Variants in ATRNL1 observed in about 807,000 individuals in gnomAD.
ATRNL1 encodes attractin-like protein 1.
Under a neutral mutation model 182.7 loss-of-function variants are expected in ATRNL1, and 95 were observed. That is an observed-to-expected ratio of 0.52 (90% CI 0.44 to 0.62). ATRNL1 has a LOEUF of 0.62. Ranked by LOEUF, ATRNL1 falls within the 20% of genes least tolerant of loss-of-function variation. ATRNL1 has a pLI of 0.00. For missense variants in ATRNL1, 1,471 were observed against 1,679.5 expected, an observed-to-expected ratio of 0.88 and a Z score of 2.17; for synonymous variants, 576 against 568.3, an observed-to-expected ratio of 1.01 and a Z score of -0.19.
intron 26 of ATRNL1, among the ~76,000 whole-genome samples, chr10:115,721,997 A>G (rs1280058810): frequency 6.6e-6 from 1 of 152,198 alleles, no homozygotes; most frequent in Non-Finnish European, 1.5e-5. Context: ...TGAAGAAAAA[A>G]TAACTAATCT....
intron 26 of ATRNL1, among the ~76,000 whole-genome samples, chr10:115,690,507 C>G (rs1451049877): frequency 6.6e-6 from 1 of 152,130 alleles, no homozygotes; most frequent in Non-Finnish European, 1.5e-5. Context: ...GCTGTGTGGC[C>G]TGGTTTCTAA....
intron 27 of ATRNL1, among the ~76,000 whole-genome samples, chr10:115,735,249 T>G: frequency 6.6e-6 from 1 of 152,188 alleles, no homozygotes; most frequent in East Asian, 1.9e-4. Flanking sequence ...TCTATTTCCC[T>G]CTCCAGTTTC....
At chr10:115,631,018 G>C (rs989127870) in intron 26 of ATRNL1, among the ~76,000 whole-genome samples, 2 of 151,548 alleles carry the variant, frequency 1.3e-5, no homozygotes, top group Non-Finnish European at 2.9e-5. Flanking sequence ...AAGTAAAAAG[G>C]CCTAATCATA....
intron 8 of ATRNL1, among the ~76,000 whole-genome samples, chr10:115,205,741 T>G (rs1458458880): frequency 6.6e-6 from 1 of 152,084 alleles, no homozygotes; most frequent in African/African-American, 2.4e-5. Flanking sequence ...CTTACCTCAT[T>G]ACAGGTACCT....
chr10:115,622,820 G>GT (rs1857855945), intron 26 of ATRNL1, among the ~76,000 whole-genome samples: 3 of 152,004 alleles, frequency 2.0e-5, no homozygotes, highest in African/African-American at 7.2e-5. Context: ...CCAGCTACGT[G>GT]GGAGGCTGAG....
chr10:115,102,645 TG>T (rs142784228), intron 1 of ATRNL1, among the ~76,000 whole-genome samples: 1,928 of 152,282 alleles, frequency 0.013, 32 homozygotes, highest in African/African-American at 0.043. Context: ...GGTTTTGCCA[TG>T]TTGGCCAGGC....
At chr10:115,729,396 A>G (rs1372524339) in intron 27 of ATRNL1, among the ~76,000 whole-genome samples, 3 of 151,306 alleles carry the variant, frequency 2.0e-5, no homozygotes, top group Admixed American at 6.6e-5. Flanking sequence ...TCTGGAAAAA[A>G]CTGTTAGCTT....
At chr10:115,781,090 G>A (rs1421122940) in intron 27 of ATRNL1, among the ~76,000 whole-genome samples, 2 of 152,164 alleles carry the variant, frequency 1.3e-5, no homozygotes, top group Non-Finnish European at 2.9e-5. Context: ...TGTCCAACAA[G>A]CATATATAAA....
At chr10:115,454,688 T>G (rs1254760731) in intron 21 of ATRNL1, among the ~76,000 whole-genome samples, 1 of 152,126 alleles carries the variant, frequency 6.6e-6, no homozygotes, top group Non-Finnish European at 1.5e-5. Flanking sequence ...TAATTTCTTT[T>G]TCAGATAGTT....
chr10:115,434,329 C>T (rs1002381505), intron 21 of ATRNL1, among the ~76,000 whole-genome samples: 1 of 152,130 alleles, frequency 6.6e-6, no homozygotes, highest in Admixed American at 6.6e-5. Context: ...CTATACTAGA[C>T]TGTTCTCAGC....
chr10:115,497,108 C>T (rs56119142), intron 24 of ATRNL1, among the ~76,000 whole-genome samples: 2,109 of 152,122 alleles, frequency 0.014, 44 homozygotes, highest in African/African-American at 0.048. Context: ...TTTGGAGAAC[C>T]AGTCTAAAAG....
At chr10:115,447,445 TCAAA>T (rs138628739) in intron 21 of ATRNL1, among the ~76,000 whole-genome samples, 2,654 of 151,894 alleles carry the variant, frequency 0.017, 69 homozygotes, top group African/African-American at 0.06. Context: ...TTTATATATG[TCAAA>T]CAGTTATAAG....
chr10:115,398,880 T>C (rs913065152), intron 20 of ATRNL1, among the ~76,000 whole-genome samples: 1 of 152,162 alleles, frequency 6.6e-6, no homozygotes, highest in East Asian at 1.9e-4. Flanking sequence ...GTATGTTCCT[T>C]CAGTACCTAA....
At chr10:115,566,405 A>G (rs1555001839) in intron 26 of ATRNL1, among the ~76,000 whole-genome samples, 1 of 152,198 alleles carries the variant, frequency 6.6e-6, no homozygotes, top group East Asian at 1.9e-4. Flanking sequence ...TTAAGCAGTA[A>G]ATCAGTTTTG....
At chr10:115,486,475 ATTT>A (rs1554975180) in intron 24 of ATRNL1, among the ~76,000 whole-genome samples, 12 of 151,872 alleles carry the variant, frequency 7.9e-5, no homozygotes, top group Non-Finnish European at 1.3e-4. Context: ...TGTGGTTTTG[ATTT>A]GCATTTCTCT....
At chr10:115,142,073 A>G (rs1405052904) in intron 5 of ATRNL1, among the ~76,000 whole-genome samples, 5 of 152,182 alleles carry the variant, frequency 3.3e-5, no homozygotes, top group African/African-American at 1.2e-4. Flanking sequence ...TGGAACTTAC[A>G]TTCAAGCTAG....
intron 26 of ATRNL1, among the ~76,000 whole-genome samples, chr10:115,598,828 C>T (rs1856429085): frequency 6.6e-6 from 1 of 152,026 alleles, no homozygotes; most frequent in South Asian, 2.1e-4. Context: ...ATATGTTCAT[C>T]AGGTTGAGGT....
chr10:115,366,571 C>T (rs1857053684), intron 19 of ATRNL1, among the ~76,000 whole-genome samples: 1 of 150,430 alleles, frequency 6.6e-6, no homozygotes, highest in Non-Finnish European at 1.5e-5. Context: ...ATGATGTTAG[C>T]TGGTGATTTT....
intron 25 of ATRNL1, among the ~76,000 whole-genome samples, chr10:115,529,983 A>C (rs1851470186): frequency 6.6e-6 from 1 of 152,132 alleles, no homozygotes; most frequent in African/African-American, 2.4e-5. Context: ...GGAATCGTAC[A>C]ATATGTGTTC....
Sources: allele counts gnomAD v4.1 joint callset (sites outside exome capture counted in the v4.1 genomes callset), GRCh38; gene constraint gnomAD v4.1.1; transcripts MANE v1.5; gene names NCBI Gene and HGNC (gene_info 2026-07-23, HGNC 2026-07-21).